The following BYSL variants were observed in gnomAD, a reference collection of about 807,000 sequenced individuals.
BYSL encodes the protein bystin.
Under a neutral mutation model 45.4 loss-of-function variants are expected in BYSL, and 21 were observed. That is an observed-to-expected ratio of 0.46 (90% CI 0.33 to 0.67). The LOEUF (loss-of-function observed/expected upper bound fraction) is 0.67. Ranked by LOEUF, BYSL falls within the 30% of genes least tolerant of loss-of-function variation. The pLI is 0.02. For missense variants in BYSL, 522 were observed against 578.5 expected, an observed-to-expected ratio of 0.90 and a Z score of 1.00; for synonymous variants, 215 against 231.3, an observed-to-expected ratio of 0.93 and a Z score of 0.64.
At chr6:41,909,169 G>C in the BYSL span, 2 of 1,403,472 alleles carry the variant, frequency 1.4e-6, no homozygotes, top group Non-Finnish European at 1.9e-6. Context: ...ACAAGACTCT[G>C]TCTCAAAAAA....
chr6:41,926,999 C>G (rs1775572808), intron 1 of BYSL, among the ~76,000 whole-genome samples: 1 of 150,226 alleles, frequency 6.7e-6, no homozygotes, highest in Non-Finnish European at 1.5e-5. Context: ...GAGGCTGAGG[C>G]AGGAGAATGG....
upstream of BYSL, chr6:41,920,725 C>G (rs1209145465): frequency 8.5e-6 from 3 of 352,202 alleles, no homozygotes; most frequent in African/African-American, 6.4e-5. Flanking sequence ...GAGCCAAGAT[C>G]GCTCCACTGC....
At chr6:41,916,889 T>C (rs142006963), upstream of BYSL, 1 of 1,613,996 alleles carries the variant, frequency 6.2e-7, no homozygotes, top group African/African-American at 1.3e-5. Context: ...GGTAAGGAGC[T>C]CTACGGTTTG....
At chr6:41,916,258 T>TAAATAAAATAAAATAAAATA in the BYSL span, among the ~76,000 whole-genome samples, 3 of 148,350 alleles carry the variant, frequency 2.0e-5, no homozygotes, top group African/African-American at 7.5e-5. Flanking sequence ...CTCAAAAAAA[T>TAAATAAAATAAAATAAAATA]AAATAAAATA....
upstream of BYSL, among the ~76,000 whole-genome samples, chr6:41,918,676 G>A (rs1447744289): frequency 2.0e-5 from 3 of 151,866 alleles, no homozygotes; most frequent in African/African-American, 4.8e-5. Context: ...GGCCGGGCGC[G>A]GTGGCTCACG....
intron 1 of BYSL, among the ~76,000 whole-genome samples, chr6:41,923,977 G>A (rs1405587908): frequency 6.6e-6 from 1 of 151,954 alleles, no homozygotes; most frequent in Non-Finnish European, 1.5e-5. Flanking sequence ...TCTCAGAGAG[G>A]CCTATCCACT....
chr6:41,909,634 A>C, the BYSL span: 2 of 1,480,516 alleles, frequency 1.4e-6, no homozygotes, highest in Non-Finnish European at 1.8e-6. Context: ...GCACTACCTC[A>C]GCAGTTCTTG....
At chr6:41,931,938 G>A in intron 6 of BYSL, 108 bp downstream of exon 6, 1 of 1,091,972 alleles carries the variant, frequency 9.2e-7, no homozygotes, top group Non-Finnish European at 1.4e-6. Flanking sequence ...AAAGCCTTGG[G>A]TTTGTGCTTG....
upstream of BYSL, chr6:41,921,112 T>A: frequency 6.5e-7 from 1 of 1,528,814 alleles, no homozygotes; most frequent in Non-Finnish European, 8.9e-7. Flanking sequence ...AACACAACCT[T>A]CTGTCTCAGA....
chr6:41,920,621 A>C (rs1775436599), upstream of BYSL, among the ~76,000 whole-genome samples: 1 of 152,120 alleles, frequency 6.6e-6, no homozygotes, highest in African/African-American at 2.4e-5. Context: ...CTAAAAATAC[A>C]AAAAGTAACC....
chr6:41,924,573 G>A (rs1775537971), intron 1 of BYSL, among the ~76,000 whole-genome samples: 2 of 152,198 alleles, frequency 1.3e-5, no homozygotes, highest in Admixed American at 6.5e-5. Flanking sequence ...CTCACATATA[G>A]TAGGTGCTTG....
At chr6:41,909,652 G>T in the BYSL span, 8 of 1,343,072 alleles carry the variant, frequency 6.0e-6, no homozygotes, top group Non-Finnish European at 7.2e-6. Flanking sequence ...TTGGTTGGGG[G>T]TGAGGGGAAT....
the BYSL span, among the ~76,000 whole-genome samples, chr6:41,914,228 C>T: frequency 6.6e-6 from 1 of 152,170 alleles, no homozygotes; most frequent in Non-Finnish European, 1.5e-5. Context: ...GGCTGCCTAG[C>T]AGAAGCTAGA....
chr6:41,924,065 CTT>C (rs530503405), intron 1 of BYSL, among the ~76,000 whole-genome samples: 10 of 143,298 alleles, frequency 7.0e-5, no homozygotes, highest in South Asian at 2.2e-4. Flanking sequence ...TAGTACTTAT[CTT>C]TTTTTTTTTT....
chr6:41,924,157 T>C (rs1256010505), intron 1 of BYSL, among the ~76,000 whole-genome samples: 1 of 150,990 alleles, frequency 6.6e-6, no homozygotes, highest in Non-Finnish European at 1.5e-5. Flanking sequence ...ACCTCCCGGG[T>C]TCAAGCGATT....
chr6:41,924,891 G>C (rs1165229886), intron 1 of BYSL, among the ~76,000 whole-genome samples: 1 of 152,198 alleles, frequency 6.6e-6, no homozygotes, highest in African/African-American at 2.4e-5. Context: ...GTGAGAGACA[G>C]TCTATGAGGT....
chr6:41,909,863 T>C, the BYSL span, among the ~76,000 whole-genome samples: 1 of 152,190 alleles, frequency 6.6e-6, no homozygotes, highest in African/African-American at 2.4e-5. Context: ...AGACTTTACG[T>C]ATAATCTTTT....
At chr6:41,927,225 CAG>C in intron 1 of BYSL, 147 bp from the exon 2 acceptor site, 1 of 847,842 alleles carries the variant, frequency 1.2e-6, no homozygotes, top group Non-Finnish European at 1.8e-6. Context: ...CCCCTGGGGA[CAG>C]GGAGCTAATG....
chr6:41,932,380 G>A lies in BYSL; in HGVS notation c.988G>A (p.Ala330Thr), dbSNP rs1478135031. The change falls in exon 7 of 7, where the codon GCT (alanine) becomes ACT (threonine). Residue 330 changes from alanine to threonine, a missense_variant. Transcript: ENST00000230340. The surrounding 1 kb of genome is among the most constrained non-coding windows in gnomAD (Gnocchi z 4.7). The part of the protein sequence containing the change: ...LHSSAAMLKI[A>T]EMEYSGANSI... The stretch of plus-strand genomic sequence containing the variant: ...CACTAGTGCGGCCATGCTGAAAATT[G>A]CTGAGATGGAATACAGCGGTGCCAA... 2 of 1,611,452 alleles carry A rather than the reference G, an allele frequency of 1.2e-6. No individual in the cohort carries two copies. Among genetic ancestry groups the A allele is most frequent in the Middle Eastern group, 1.7e-4 (1 of 6,058 alleles).
Sources: gnomAD v4.1 joint callset for allele counts (sites outside exome capture counted in the v4.1 genomes callset) on GRCh38, gnomAD v4.1.1 for gene constraint, Gnocchi (gnomAD v3.1) non-coding constraint, MANE v1.5 for transcripts, NCBI Gene and HGNC (gene_info 2026-07-23, HGNC 2026-07-21) for gene names.